GDAP2: variants seen among roughly 807,000 people sequenced by gnomAD.
GDAP2 encodes the protein ganglioside induced differentiation associated protein 2.
Under a neutral mutation model 67.0 loss-of-function variants are expected in GDAP2, and 51 were observed. The ratio of observed to expected loss-of-function variants is 0.76; its 90% CI spans 0.61 to 0.96. The LOEUF (loss-of-function observed/expected upper bound fraction) is 0.96, where lower values mean the gene tolerates loss of function less well. Among genes scored for constraint, GDAP2 ranks in the 40% least tolerant of loss-of-function variants. The pLI, the probability that GDAP2 is intolerant of heterozygous loss-of-function variation, is 0.00. For synonymous variants in GDAP2, 203 were observed against 207.3 expected (o/e 0.98, Z 0.18); for missense variants, 547 against 588.3 (o/e 0.93, Z 0.73).
chr1:117,901,016 T>C (rs1649450929), intron 6 of GDAP2, among the ~76,000 whole-genome samples: 1 of 152,080 alleles, frequency 6.6e-6, no homozygotes, highest in African/African-American at 2.4e-5. Context: ...GCCGAGATCG[T>C]GCCACTCTAC....
At position 117,900,447 on chromosome 1, in the gene GDAP2, T is replaced by C. The variant is rs918745346; in HGVS notation, c.637-1231A>G. On this transcript the variant is annotated intron_variant, in intron 6 of 13. Transcript: ENST00000369443. ...TTACTAATCTTTCTGTCACTATGAA[T>C]TTGCCTATTTTTGGACATTTCATAA... is the stretch of plus-strand genomic sequence containing the variant. 2.6e-5 allele frequency among the ~76,000 whole-genome samples: 4 copies of C among 152,128 alleles called. No individual in the cohort carries two copies. The East Asian group carries it at 7.7e-4, about 29-fold the overall frequency.
Position 117,869,901 on chromosome 1 carries a change from A to C in GDAP2, c.*668T>G, listed in dbSNP as rs41276590. The C allele has an allele frequency of 0.013, 2,037 of 152,326 alleles. 37 individuals carry two copies. The highest frequency in any genetic ancestry group is 0.094 in the South Asian group (452 of 4,822). The allele number at this position is 152,326 out of a possible 1,614,324, so 9.4% of individuals were successfully genotyped here. A position where few individuals can be genotyped will look rare whatever the true frequency, so the allele number is the denominator to read the frequency against. On this transcript the variant is annotated 3_prime_UTR_variant, in exon 14 of 14. Coordinates refer to ENST00000369443, the MANE Select transcript of GDAP2 (RefSeq NM_017686.4). The stretch of plus-strand genomic sequence containing the variant: ...GCTGAAGATACAGTCTTCTTGTTTC[A>C]CCCCACACTGTTGAGATCGGAACTG...
chr1:117,925,407 C>A (rs752103562), intron 1 of GDAP2, among the ~76,000 whole-genome samples: 21 of 152,196 alleles, frequency 1.4e-4, no homozygotes, highest in Non-Finnish European at 2.9e-4. Context: ...GAGCTGAGAT[C>A]ACACCACTGC....
At chr1:117,884,804 T>C (rs1648789295) in intron 10 of GDAP2, among the ~76,000 whole-genome samples, 1 of 133,558 alleles carries the variant, frequency 7.5e-6, no homozygotes, top group Non-Finnish European at 1.6e-5. Context: ...TTCATCAGTT[T>C]ATTCCCTCCG....
intron 1 of GDAP2, among the ~76,000 whole-genome samples, chr1:117,926,085 T>C (rs771942090): frequency 2.0e-5 from 3 of 152,240 alleles, no homozygotes; most frequent in Non-Finnish European, 2.9e-5. Flanking sequence ...TCTACTTCAT[T>C]TCTTCTTCAG....
intron 8 of GDAP2, 117 bp downstream of exon 8, chr1:117,896,716 T>C (rs983289535): frequency 3.1e-6 from 2 of 642,616 alleles, no homozygotes; most frequent in African/African-American, 3.7e-5. Flanking sequence ...TCACTGATTG[T>C]CATGAAAAAT....
intron 6 of GDAP2, among the ~76,000 whole-genome samples, chr1:117,903,732 A>G (rs973093067): frequency 2.6e-5 from 4 of 152,176 alleles, no homozygotes; most frequent in South Asian, 2.1e-4. Context: ...GGCAGGTAGT[A>G]TATTTTTAAC....
intron 6 of GDAP2, among the ~76,000 whole-genome samples, chr1:117,903,832 T>A (rs569692975): frequency 3.1e-4 from 47 of 152,272 alleles, no homozygotes; most frequent in South Asian, 1.2e-3. Flanking sequence ...TTTGGAATCA[T>A]TAAATAAATC....
chr1:117,927,443 C>A (rs1650490193), intron 1 of GDAP2, among the ~76,000 whole-genome samples: 1 of 152,072 alleles, frequency 6.6e-6, no homozygotes, highest in African/African-American at 2.4e-5. Context: ...AACCTGTTTA[C>A]CTGTCTTTCA....
intron 6 of GDAP2, among the ~76,000 whole-genome samples, chr1:117,904,330 A>G (rs559604093): frequency 4.2e-4 from 64 of 152,278 alleles, no homozygotes; most frequent in Admixed American, 8.5e-4. Context: ...CAGTCATTCA[A>G]CAGGAAGAAC....
Position 117,883,743 on chromosome 1 carries a change from G to C in GDAP2, c.1108-116C>G, listed in dbSNP as rs1053773073. ...GAAAATTAACCTACTCTATGCCCTA[G>C]TCATCATAAATGGATAACTCAGAGT... On this transcript the variant is annotated intron_variant, in intron 10 of 13. Coordinates refer to ENST00000369443, the MANE Select transcript of GDAP2 (RefSeq NM_017686.4). 3 of 629,492 alleles carry C rather than the reference G, an allele frequency of 4.8e-6. No individual in the cohort carries two copies. In the African/African-American group the frequency reaches 5.6e-5, roughly 12 times the overall value. 39.0% of individuals were successfully genotyped at this position (629,492 alleles called of 1,614,324 possible).
At chr1:117,904,309 G>C (rs1441251828) in intron 6 of GDAP2, among the ~76,000 whole-genome samples, 1 of 152,062 alleles carries the variant, frequency 6.6e-6, no homozygotes, top group Non-Finnish European at 1.5e-5. Flanking sequence ...AGGAAATATG[G>C]TATTTTCATT....
intron 13 of GDAP2, chr1:117,877,313 T>C (rs1648494328): frequency 2.2e-5 from 21 of 962,430 alleles, no homozygotes; most frequent in Non-Finnish European, 2.6e-5. Flanking sequence ...CTTTCAAATC[T>C]ATCCCCTGGT....
At chr1:117,885,290 ACTT>A (rs1648812925) in intron 10 of GDAP2, among the ~76,000 whole-genome samples, 1 of 151,924 alleles carries the variant, frequency 6.6e-6, no homozygotes, top group African/African-American at 2.4e-5. Context: ...TTCAAATTCA[ACTT>A]CTTAAGTTTT....
chr1:117,909,551 A>G (rs1280473953), intron 5 of GDAP2, among the ~76,000 whole-genome samples: 1 of 152,222 alleles, frequency 6.6e-6, no homozygotes, highest in East Asian at 1.9e-4. Context: ...AAAGTGTATA[A>G]GCCATTTGTT....
At chr1:117,872,925 A>G (rs1648339681) in intron 13 of GDAP2, among the ~76,000 whole-genome samples, 1 of 152,192 alleles carries the variant, frequency 6.6e-6, no homozygotes, top group South Asian at 2.1e-4. Context: ...ATATGCATGG[A>G]AGCTATACTT....
rs905107633 is a variant in GDAP2, at chr1:117,870,212, G to A, written c.*357C>T. The A allele has an allele frequency of 4.7e-5, 12 of 257,536 alleles. No homozygotes were observed. The highest frequency in any genetic ancestry group is 3.1e-4 in the Admixed American group (6 of 19,428). 16.0% of individuals were successfully genotyped at this position (257,536 alleles called of 1,614,324 possible). A position where few individuals can be genotyped will look rare whatever the true frequency, so the allele number is the denominator to read the frequency against. ...AATCACTTAAGTACACAAAGGAAGC[G>A]TGCAATGTTAGAGAGATGATGTGAA... On this transcript the variant is annotated 3_prime_UTR_variant, in exon 14 of 14. Transcript: ENST00000369443.
At chr1:117,901,015 G>A (rs905470742) in intron 6 of GDAP2, among the ~76,000 whole-genome samples, 7 of 152,116 alleles carry the variant, frequency 4.6e-5, no homozygotes, top group East Asian at 1.9e-4. Context: ...AGCCGAGATC[G>A]TGCCACTCTA....
intron 1 of GDAP2, among the ~76,000 whole-genome samples, chr1:117,926,352 A>G (rs1041250542): frequency 3.9e-5 from 6 of 152,224 alleles, no homozygotes; most frequent in Non-Finnish European, 8.8e-5. Context: ...GTTCTCCTAT[A>G]TCCCTGATCA....
Sources: allele counts gnomAD v4.1 joint callset (sites outside exome capture counted in the v4.1 genomes callset), GRCh38; gene constraint gnomAD v4.1.1; transcripts MANE v1.5; gene names NCBI Gene and HGNC (gene_info 2026-07-23, HGNC 2026-07-21).